A2ML1: variants seen among roughly 807,000 people sequenced by gnomAD.
A2ML1 encodes alpha-2-macroglobulin-like protein 1.
A2ML1 carries 161 observed loss-of-function variants against 181.9 expected under a neutral mutation model. The observed-to-expected ratio is 0.89, with a 90% CI of 0.78 to 1.01. A2ML1 has a LOEUF of 1.01. Ranked by LOEUF, A2ML1 falls within the 50% of genes least tolerant of loss-of-function variation. The pLI is 0.00. For synonymous variants in A2ML1, 663 were observed against 666.8 expected, an observed-to-expected ratio of 0.99 and a Z score of 0.09; for missense variants, 1,670 against 1,768.1, an observed-to-expected ratio of 0.94 and a Z score of 1.00.
intron 10 of A2ML1, among the ~76,000 whole-genome samples, chr12:8,839,851 G>A (rs998779906): frequency 2.6e-4 from 39 of 152,174 alleles, no homozygotes; most frequent in Middle Eastern, 3.4e-3. Context: ...AGGTTCAAGC[G>A]ATTCTCCTGT....
chr12:8,851,652 C>T (rs910346982), intron 18 of A2ML1, 132 bp from the exon 19 acceptor site: 4 of 794,378 alleles, frequency 5.0e-6, no homozygotes, highest in Non-Finnish European at 8.1e-6. Flanking sequence ...GCTATCTGCT[C>T]ACCTCAGCCT....
At chr12:8,826,210 G>A (rs996786092) in intron 3 of A2ML1, among the ~76,000 whole-genome samples, 8 of 152,016 alleles carry the variant, frequency 5.3e-5, no homozygotes, top group Non-Finnish European at 7.4e-5. Context: ...TAGGTAGTAC[G>A]GAATTTTAAC....
At chr12:8,857,825 G>A (rs1182261803) in intron 25 of A2ML1, 121 bp from the exon 26 acceptor site, 2 of 1,392,102 alleles carry the variant, frequency 1.4e-6, no homozygotes, top group East Asian at 4.6e-5. Flanking sequence ...TTCTAGGCCT[G>A]CTATGGCATA....
intron 16 of A2ML1, among the ~76,000 whole-genome samples, chr12:8,849,274 G>C (rs1943807686): frequency 6.6e-6 from 1 of 152,164 alleles, no homozygotes; most frequent in Non-Finnish European, 1.5e-5. Flanking sequence ...AGGTCCCTGA[G>C]GTCAGGAACT....
In A2ML1 at chr12:8,867,855, C is replaced by T; in HGVS notation, c.3731C>T (p.Ala1244Val). Residue 1244 changes from alanine to valine, a missense_variant, in exon 30 of 36, where the codon GCT (alanine) becomes GTT (valine). Transcript: ENST00000299698. ...GFSSTQDTVV[A>V]LQALAKYATT... is the part of the protein sequence containing the mutation. ...TGTTTCCCTCAGGATACTGTAGTTG[C>T]TCTCCAAGCTCTTGCCAAATATGCC... 1 of 1,614,182 alleles carries T rather than the reference C, an allele frequency of 6.2e-7. No individual in the cohort carries two copies. Among genetic ancestry groups the T allele is most frequent in the Non-Finnish European group, 8.5e-7 (1 of 1,179,998 alleles).
At chr12:8,886,010 TCACACACACA>T (rs35294269) in intron 7 of A2ML1, among the ~76,000 whole-genome samples, 1,553 of 144,994 alleles carry the variant, frequency 0.011, 28 homozygotes, top group African/African-American at 0.037. Context: ...CAACAATATC[TCACACACACA>T]CACACACACA....
At chr12:8,836,450 A>C in intron 7 of A2ML1, 111 bp downstream of exon 7, 1 of 633,446 alleles carries the variant, frequency 1.6e-6, no homozygotes, top group Non-Finnish European at 2.7e-6. Flanking sequence ...GGGGCATTTT[A>C]TGTAATTCAG....
At position 8,854,767 on chromosome 12, in the gene A2ML1, C is replaced by G. The variant is rs753933253; in HGVS notation, c.2713-13C>G. 3 of 1,614,102 alleles carry G rather than the reference C, an allele frequency of 1.9e-6. No individual in the cohort carries two copies. The highest frequency in any genetic ancestry group is 2.5e-6 in the Non-Finnish European group (3 of 1,179,998). The stretch of plus-strand genomic sequence containing the variant: ...ATCTTTGTTGTTTTTATCTGTGTCT[C>G]TCTTCATCGCAGCCTGAGGGAGTCC... On this transcript the variant is annotated splice_polypyrimidine_tract_variant and intron_variant, in intron 21 of 35. Transcript: ENST00000299698.
At chr12:8,857,085 G>T (rs1944090187) in intron 23 of A2ML1, 79 bp from the exon 24 acceptor site, 7 of 1,388,190 alleles carry the variant, frequency 5.0e-6, no homozygotes, top group African/African-American at 1.4e-5. Flanking sequence ...ATACGTGTTT[G>T]TTCAGTGAAT....
Position 8,835,674 on chromosome 12 carries a change from G to A in A2ML1, c.643+8G>A. The A allele has an allele frequency of 6.2e-7, 1 of 1,613,982 alleles. No homozygotes were observed. The highest frequency in any genetic ancestry group is 1.1e-5 in the South Asian group (1 of 91,074). On this transcript the variant is annotated splice_region_variant and intron_variant, in intron 6 of 35. Transcript: ENST00000299698. ...TCAGTGTGGAGGAATATGGTAGGTG[G>A]GGAAATGGACAGGCCAAAGTATTGG...
At chr12:8,869,777 G>A (rs1206212812) in intron 33 of A2ML1, among the ~76,000 whole-genome samples, 1 of 152,122 alleles carries the variant, frequency 6.6e-6, no homozygotes, top group East Asian at 1.9e-4. Context: ...CATTGACTGA[G>A]TAACTGGACA....
intron 34 of A2ML1, 62 bp from the exon 35 acceptor site, chr12:8,874,909 G>A (rs879021304): frequency 1.3e-6 from 2 of 1,555,348 alleles, no homozygotes; most frequent in South Asian, 2.3e-5. Flanking sequence ...CTTTTCTGAA[G>A]CATTTTCCCT....
intron 1 of A2ML1, among the ~76,000 whole-genome samples, chr12:8,822,933 C>T (rs1223933939): frequency 6.6e-6 from 1 of 152,118 alleles, no homozygotes; most frequent in African/African-American, 2.4e-5. Context: ...GCCCTGTTTT[C>T]TGAAATAGGC....
Position 8,852,843 on chromosome 12 carries a change from G to A in A2ML1, c.2590+507G>A, listed in dbSNP as rs1209431722. ...CCCAAGTAGCTAGGATTACAGTCGCGTGCCACCCTACCCGGCTAATTTTTG... is the reference window on the plus strand; with the variant it reads ...CCCAAGTAGCTAGGATTACAGTCGCATGCCACCCTACCCGGCTAATTTTTG... On this transcript the variant is annotated intron_variant, in intron 20 of 35. Coordinates refer to ENST00000299698, the MANE Select transcript of A2ML1 (RefSeq NM_144670.6). The surrounding 1 kb of genome is among the most constrained non-coding windows in gnomAD (Gnocchi z 4.2). Among the ~76,000 whole-genome samples, 3 of 151,912 alleles carry A rather than the reference G, an allele frequency of 2.0e-5. No individual in the cohort carries two copies. The highest frequency in any genetic ancestry group is 2.0e-4 in the East Asian group (1 of 5,112).
chr12:8,838,351 T>G lies in A2ML1; in HGVS notation c.871T>G (p.Cys291Gly). The change falls in exon 9 of 36, where the codon TGT becomes GGT. Residue 291 changes from cysteine (C) to glycine (G), a missense_variant. Coordinates refer to ENST00000299698, the MANE Select transcript of A2ML1 (RefSeq NM_144670.6). ...ACCTCACTAGACTGACAAAACAGGA[T>G]GTTTCTCAGCACCTGTGGACATGGC... ...NLSGQTDKTG[C>G]FSAPVDMATF... is the part of the protein sequence containing the mutation. 1 of 1,613,364 alleles carries G rather than the reference T, an allele frequency of 6.2e-7. No homozygotes were observed. Among genetic ancestry groups the G allele is most frequent in the Non-Finnish European group, 8.5e-7 (1 of 1,179,516 alleles).
Position 8,852,243 on chromosome 12 carries a change from C to G in A2ML1, c.2497C>G (p.Gln833Glu). 1 of 1,614,134 alleles carries G rather than the reference C, an allele frequency of 6.2e-7. No homozygotes were observed. The highest frequency in any genetic ancestry group is 8.5e-7 in the Non-Finnish European group (1 of 1,180,034). ...TGACCTGGCTAAATCGCATGAGTACCAGCTAGAATCATGGGCAGATTCTCA... is the reference window on the plus strand; with the variant it reads ...TGACCTGGCTAAATCGCATGAGTACGAGCTAGAATCATGGGCAGATTCTCA... ...QTDLAKSHEY[Q>E]LESWADSQTS... The change falls in exon 20 of 36, where the codon CAG becomes GAG. Residue 833 changes from glutamine (Q) to glutamate (E), a missense_variant. Transcript: ENST00000299698. The surrounding 1 kb of genome is among the most constrained non-coding windows in gnomAD (Gnocchi z 4.2).
chr12:8,832,727 G>T (rs1320867536), intron 4 of A2ML1, among the ~76,000 whole-genome samples: 3 of 152,174 alleles, frequency 2.0e-5, no homozygotes, highest in African/African-American at 7.2e-5. Flanking sequence ...CTGAGAGGGG[G>T]CGTAGTGAGG....
intron 20 of A2ML1, 101 bp from the exon 21 acceptor site, chr12:8,854,027 A>G (rs1326204562): frequency 7.1e-7 from 1 of 1,402,720 alleles, no homozygotes; most frequent in Non-Finnish European, 9.4e-7. Flanking sequence ...CACTGTTGCA[A>G]GATCCCCATT....
chr12:8,867,869 G>A lies in A2ML1; in HGVS notation c.3745G>A (p.Ala1249Thr). ...TACTGTAGTTGCTCTCCAAGCTCTT[G>A]CCAAATATGCCACTACCGCCTACAT... ...QDTVVALQAL[A>T]KYATTAYMPS... The change falls in exon 30 of 36, where the codon GCC (alanine) becomes ACC (threonine). Residue 1249 changes from alanine to threonine, a missense_variant. Coordinates refer to ENST00000299698, the MANE Select transcript of A2ML1 (RefSeq NM_144670.6). 1 of 1,614,210 alleles carries A rather than the reference G, an allele frequency of 6.2e-7. No homozygotes were observed. Among genetic ancestry groups the A allele is most frequent in the African/African-American group, 1.3e-5 (1 of 75,068 alleles).
Sources: allele counts gnomAD v4.1 joint callset (sites outside exome capture counted in the v4.1 genomes callset), GRCh38; gene constraint gnomAD v4.1.1; non-coding constraint Gnocchi (gnomAD v3.1); transcripts MANE v1.5; gene names NCBI Gene and HGNC (gene_info 2026-07-23, HGNC 2026-07-21).